LRIG1: variants seen among roughly 807,000 people sequenced by gnomAD.
LRIG1 encodes leucine rich repeats and immunoglobulin like domains 1.
A neutral mutation model predicts 99.2 loss-of-function variants in LRIG1; 48 were observed. The observed-to-expected ratio is 0.48, with a 90% CI of 0.38 to 0.62. LRIG1 has a LOEUF of 0.62. Among genes scored for constraint, LRIG1 ranks in the 20% least tolerant of loss-of-function variants. The probability of loss-of-function intolerance (pLI) is 0.00; values close to 1 mark genes in which losing one functional copy is unlikely to be tolerated. For missense variants in LRIG1, 1,646 were observed against 1,434.4 expected (o/e 1.15, Z -2.38); for synonymous variants, 772 against 596.1 (o/e 1.29, Z -4.30).
Position 66,383,259 on chromosome 3 carries a change from C to A in LRIG1, c.2214G>T (p.Arg738=). Residue 738 remains arginine (R), a synonymous_variant, in exon 15 of 19, where the codon CGG becomes CGT. Coordinates refer to ENST00000273261, the MANE Select transcript of LRIG1 (RefSeq NM_015541.3). ...GCTGGTTGTCAGGGGTCAAGTGGTG[C>A]CGCTCAGTGAGGCTCAGCGGGCGGT... ...KGDRPLSLTE[R]HHLTPDNQLL... 1 of 1,614,172 alleles carries A rather than the reference C, an allele frequency of 6.2e-7. No individual in the cohort carries two copies. The highest frequency in any genetic ancestry group is 1.1e-5 in the South Asian group (1 of 91,082).
rs746383151 is a variant in LRIG1, at chr3:66,382,255, C to T, written c.2617+18G>A. Reference sequence around the variant, plus strand: ...ACAGTCACAGCAGAGCTCTGCTTCACAGTTACTGAGGCCTTACCATTGCTC... The same window carrying T: ...ACAGTCACAGCAGAGCTCTGCTTCATAGTTACTGAGGCCTTACCATTGCTC... On this transcript the variant is annotated intron_variant, in intron 16 of 18. Transcript: ENST00000273261. 15 of 1,613,654 alleles carry T rather than the reference C, an allele frequency of 9.3e-6. No individual in the cohort carries two copies. The highest frequency in any genetic ancestry group is 4.5e-5 in the East Asian group (2 of 44,876).
In LRIG1 at chr3:66,381,361, T is replaced by C. The variant is rs1256960463; in HGVS notation, c.2770+118A>G. On this transcript the variant is annotated intron_variant, in intron 17 of 18. Coordinates refer to ENST00000273261, the MANE Select transcript of LRIG1 (RefSeq NM_015541.3). ...CTGAGCTTCCCCTGTATATACTGAA[T>C]ACCAAATTTGGAGACAGCTGTGGAC... 13 of 997,436 alleles carry C rather than the reference T, an allele frequency of 1.3e-5. No individual in the cohort carries two copies. In the Admixed American group the frequency reaches 1.8e-4, roughly 14 times the overall value. The allele number at this position is 997,436 out of a possible 1,614,324, so 61.8% of individuals were successfully genotyped here.
At chr3:66,462,375 A>G (rs1700374436) in intron 2 of LRIG1, 63 bp downstream of exon 2, 2 of 1,232,020 alleles carry the variant, frequency 1.6e-6, no homozygotes, top group Non-Finnish European at 2.4e-6. Flanking sequence ...GCTGCAATAC[A>G]AGAGGATTTT....
intron 12 of LRIG1, among the ~76,000 whole-genome samples, chr3:66,392,968 TGTTCGCAGTGGGTTTAAGAC>T (rs1265989755): frequency 6.6e-6 from 1 of 152,196 alleles, no homozygotes; most frequent in African/African-American, 2.4e-5. Flanking sequence ...GCTGCTGCCA[TGTTCGCAGTGGGTTTAAGAC>T]GTGTCCCTGG....
intron 9 of LRIG1, among the ~76,000 whole-genome samples, chr3:66,402,049 T>C (rs1182536632): frequency 6.6e-6 from 1 of 152,104 alleles, no homozygotes; most frequent in East Asian, 1.9e-4. Context: ...GGATGGAGGC[T>C]GCGCTCACAT....
intron 1 of LRIG1, among the ~76,000 whole-genome samples, chr3:66,484,504 G>C (rs946443951): frequency 1.3e-5 from 2 of 152,196 alleles, no homozygotes. Flanking sequence ...GTTTCTATGG[G>C]GAGAAACGTT....
intron 1 of LRIG1, among the ~76,000 whole-genome samples, chr3:66,481,569 T>C (rs1414131071): frequency 2.6e-5 from 4 of 151,956 alleles, no homozygotes; most frequent in African/African-American, 9.7e-5. Context: ...GCACACAGAA[T>C]TAAGTATTTC....
At chr3:66,389,030 T>C (rs937663871) in intron 12 of LRIG1, among the ~76,000 whole-genome samples, 1 of 152,174 alleles carries the variant, frequency 6.6e-6, no homozygotes, top group Non-Finnish European at 1.5e-5. Flanking sequence ...AAACCAGTAA[T>C]TATAAGGCTG....
Position 66,493,180 on chromosome 3 carries a change from T to C in LRIG1, c.218+7010A>G, listed in dbSNP as rs556165395. The stretch of plus-strand genomic sequence containing the variant: ...TTAACCCTGTTTGGAAGAGCACACC[T>C]GCATTTTTCCAAGCTATTGACTGAG... On this transcript the variant is annotated intron_variant, in intron 1 of 18. Transcript: ENST00000273261. Among the ~76,000 whole-genome samples the C allele has an allele frequency of 4.6e-5, 7 of 152,298 alleles. No homozygotes were observed. In the East Asian group the frequency reaches 1.4e-3, roughly 29 times the overall value.
chr3:66,390,508 G>T (rs1054232132), intron 12 of LRIG1, among the ~76,000 whole-genome samples: 2 of 152,170 alleles, frequency 1.3e-5, no homozygotes, highest in Admixed American at 6.5e-5. Context: ...CATGGATTGG[G>T]AAGACTTAAT....
intron 3 of LRIG1, among the ~76,000 whole-genome samples, chr3:66,423,655 A>G (rs371653350): frequency 5.9e-5 from 9 of 152,324 alleles, no homozygotes; most frequent in African/African-American, 1.9e-4. Flanking sequence ...TGTGTCTCCC[A>G]AGTAAGTCCT....
At chr3:66,462,402 T>C (rs1306143011) in intron 2 of LRIG1, 36 bp downstream of exon 2, 2 of 1,527,294 alleles carry the variant, frequency 1.3e-6, no homozygotes, top group East Asian at 4.5e-5. Context: ...GAGCTCTCCA[T>C]CCTTCCATCC....
At position 66,418,698 on chromosome 3, in the gene LRIG1, CG is replaced by C. The variant is rs148346663; in HGVS notation, c.366-1433del. Among the ~76,000 whole-genome samples the C allele has an allele frequency of 1.2e-4, 19 of 152,310 alleles. No individual in the cohort carries two copies. The East Asian group carries it at 3.7e-3, about 29-fold the overall frequency. On this transcript the variant is annotated intron_variant, in intron 3 of 18. Coordinates refer to ENST00000273261, the MANE Select transcript of LRIG1 (RefSeq NM_015541.3). ...TTGAACACAACACAAGTAAGCCAGG[CG>C]TCGCTTACCAAGTGGCATCTCCTTT...
chr3:66,420,967 A>G (rs1321050104), intron 3 of LRIG1, among the ~76,000 whole-genome samples: 1 of 152,200 alleles, frequency 6.6e-6, no homozygotes, highest in Admixed American at 6.5e-5. Context: ...TATGTCTTAC[A>G]TGGATGGCAG....
chr3:66,498,275 G>T (rs889670221), intron 1 of LRIG1: 2 of 152,012 alleles, frequency 1.3e-5, no homozygotes, highest in Non-Finnish European at 2.9e-5. Flanking sequence ...TAAAAGAGAA[G>T]GACTTCAATT....
intron 9 of LRIG1, among the ~76,000 whole-genome samples, chr3:66,402,773 G>A (rs894258889): frequency 6.6e-6 from 1 of 152,196 alleles, no homozygotes; most frequent in Non-Finnish European, 1.5e-5. Flanking sequence ...ACTTCTCAGT[G>A]GATCCTAACA....
Position 66,380,881 on chromosome 3 carries a change from A to C in LRIG1, c.2771-20T>G, listed in dbSNP as rs746575153. The C allele has an allele frequency of 1.2e-6, 2 of 1,611,416 alleles. No individual in the cohort carries two copies. Among genetic ancestry groups the C allele is most frequent in the Non-Finnish European group, 1.7e-6 (2 of 1,178,194 alleles). On this transcript the variant is annotated intron_variant, in intron 17 of 18. Transcript: ENST00000273261. The stretch of plus-strand genomic sequence containing the variant: ...CGTGTTCTGAAGGACAGCGCCAAAG[A>C]TGGGTTAGAGTCACTGCTGTGGGAG...
At chr3:66,413,830 AC>A (rs1478257075) in intron 5 of LRIG1, among the ~76,000 whole-genome samples, 2 of 152,148 alleles carry the variant, frequency 1.3e-5, no homozygotes, top group African/African-American at 4.8e-5. Context: ...GGGAGGTGAA[AC>A]CCAGGTAGGA....
At chr3:66,465,859 C>G (rs1334679843) in intron 1 of LRIG1, among the ~76,000 whole-genome samples, 1 of 152,162 alleles carries the variant, frequency 6.6e-6, no homozygotes, top group Non-Finnish European at 1.5e-5. Context: ...ACACTAGCTC[C>G]TCATTCCCCT....
Sources: allele counts gnomAD v4.1 joint callset (sites outside exome capture counted in the v4.1 genomes callset), GRCh38; gene constraint gnomAD v4.1.1; transcripts MANE v1.5; gene names NCBI Gene and HGNC (gene_info 2026-07-23, HGNC 2026-07-21).